Variants in CAMTA1 observed in about 807,000 individuals in gnomAD.
CAMTA1 encodes calmodulin binding transcription activator 1, also known as calmodulin-binding transcription activator 1.
CAMTA1 carries 27 observed loss-of-function variants against 170.9 expected under a neutral mutation model. The observed-to-expected ratio is 0.16, with a 90% confidence interval of 0.12 to 0.22. The LOEUF (loss-of-function observed/expected upper bound fraction) is 0.22, where lower values mean the gene tolerates loss of function less well. CAMTA1 is among the 10% of genes least tolerant of loss of function. The pLI is 1.00. For missense variants in CAMTA1, 1,619 were observed against 2,217.2 expected (o/e 0.73, Z 5.42); for synonymous variants, 833 against 891.5 (o/e 0.93, Z 1.17).
intron 3 of CAMTA1, among the ~76,000 whole-genome samples, chr1:6,962,103 G>T (rs1166851076): frequency 1.3e-5 from 2 of 152,154 alleles, no homozygotes; most frequent in African/African-American, 4.8e-5. Flanking sequence ...GCTGCTTTGG[G>T]CCTCACGCCT....
chr1:7,541,275 C>G (rs1180271302), intron 6 of CAMTA1, among the ~76,000 whole-genome samples: 1 of 152,232 alleles, frequency 6.6e-6, no homozygotes. Flanking sequence ...TTCTCTCCTG[C>G]CTGGAGAAGG....
At chr1:7,332,270 G>GA (rs111375365) in intron 5 of CAMTA1, among the ~76,000 whole-genome samples, 11,107 of 151,872 alleles carry the variant, frequency 0.073, 1,345 homozygotes, top group African/African-American at 0.25. Flanking sequence ...GGAAAGAGGA[G>GA]AAAAAAAATC....
chr1:7,259,217 C>T (rs187456621), intron 5 of CAMTA1, among the ~76,000 whole-genome samples: 32 of 152,310 alleles, frequency 2.1e-4, no homozygotes, highest in Non-Finnish European at 3.5e-4. Flanking sequence ...CAGGTGATTT[C>T]ATGAAAGAGC....
At chr1:7,159,829 A>G (rs1385292849) in intron 4 of CAMTA1, among the ~76,000 whole-genome samples, 1 of 152,218 alleles carries the variant, frequency 6.6e-6, no homozygotes, top group African/African-American at 2.4e-5. Flanking sequence ...AATTACAGGC[A>G]TGAGCTACCA....
chr1:7,365,231 C>T (rs1418492), intron 5 of CAMTA1, among the ~76,000 whole-genome samples: 95,714 of 127,844 alleles, frequency 0.75, 31,912 homozygotes, highest in Non-Finnish European at 0.8. Flanking sequence ...CTGGTGGCTG[C>T]GCTGTGGATG....
chr1:7,632,514 CAA>C (rs942827018), intron 6 of CAMTA1, among the ~76,000 whole-genome samples: 2 of 152,250 alleles, frequency 1.3e-5, no homozygotes, highest in Non-Finnish European at 2.9e-5. Flanking sequence ...AAGCTGCAAA[CAA>C]GAGTCAAACA....
At chr1:6,951,715 C>T (rs543675709) in intron 3 of CAMTA1, among the ~76,000 whole-genome samples, 4 of 152,256 alleles carry the variant, frequency 2.6e-5, no homozygotes, top group Admixed American at 6.5e-5. Flanking sequence ...CAGAGTGGGT[C>T]CAGGGTCCGG....
At chr1:7,326,353 C>G (rs182280077) in intron 5 of CAMTA1, among the ~76,000 whole-genome samples, 1 of 152,214 alleles carries the variant, frequency 6.6e-6, no homozygotes, top group Non-Finnish European at 1.5e-5. Context: ...ACGTCATCAG[C>G]AGGGAAGTGG....
chr1:6,873,180 A>G (rs1668879490), intron 3 of CAMTA1, among the ~76,000 whole-genome samples: 1 of 152,150 alleles, frequency 6.6e-6, no homozygotes, highest in Admixed American at 6.5e-5. Flanking sequence ...TCCTATGATT[A>G]TAAAGCCCCT....
chr1:7,270,539 G>A (rs28567714), intron 5 of CAMTA1, among the ~76,000 whole-genome samples: 6 of 151,816 alleles, frequency 4.0e-5, no homozygotes, highest in East Asian at 1.9e-4. Flanking sequence ...CAGGTGATCC[G>A]CCTGCCTTGG....
At chr1:7,734,011 A>C (rs1203449596) in intron 12 of CAMTA1, among the ~76,000 whole-genome samples, 1 of 152,088 alleles carries the variant, frequency 6.6e-6, no homozygotes, top group East Asian at 1.9e-4. Context: ...GCAGTGACAC[A>C]ATCTTGGCTC....
At chr1:6,870,258 C>T (rs1203225027) in intron 3 of CAMTA1, among the ~76,000 whole-genome samples, 1 of 151,922 alleles carries the variant, frequency 6.6e-6, no homozygotes, top group South Asian at 2.1e-4. Flanking sequence ...TGCATGCCTC[C>T]GAGCAACAAA....
At chr1:7,258,078 C>T (rs547066936) in intron 5 of CAMTA1, among the ~76,000 whole-genome samples, 5 of 152,260 alleles carry the variant, frequency 3.3e-5, no homozygotes, top group Admixed American at 1.3e-4. Context: ...AATACCAAAA[C>T]GTGAGGACTT....
At chr1:7,390,261 G>C (rs573783340) in intron 5 of CAMTA1, among the ~76,000 whole-genome samples, 2 of 152,318 alleles carry the variant, frequency 1.3e-5, no homozygotes, top group East Asian at 3.9e-4. Flanking sequence ...GAGCAAGAGG[G>C]TGACACAACC....
chr1:7,669,425 G>T (rs2096034779), intron 9 of CAMTA1, among the ~76,000 whole-genome samples: 1 of 152,282 alleles, frequency 6.6e-6, no homozygotes, highest in Non-Finnish European at 1.5e-5. Flanking sequence ...CAGGCTCCTT[G>T]TAGAGGCCGG....
chr1:7,097,688 T>C (rs1453077823), intron 4 of CAMTA1, among the ~76,000 whole-genome samples: 1 of 152,244 alleles, frequency 6.6e-6, no homozygotes, highest in Non-Finnish European at 1.5e-5. Flanking sequence ...AGAAATGCAA[T>C]TCTGACACCT....
intron 6 of CAMTA1, among the ~76,000 whole-genome samples, chr1:7,499,179 T>TGAGC (rs1329722220): frequency 5.1e-4 from 1 of 1,972 alleles, no homozygotes; most frequent in South Asian, 0.033. Context: ...TGTGTGTCCA[T>TGAGC]GAGTGTGCAG....
chr1:7,668,526 G>A (rs1558093263), intron 9 of CAMTA1, among the ~76,000 whole-genome samples: 1 of 151,882 alleles, frequency 6.6e-6, no homozygotes, highest in Non-Finnish European at 1.5e-5. Context: ...AGAGACCTCA[G>A]ATGGCATTTC....
chr1:7,649,068 G>A (rs1474614588), intron 7 of CAMTA1, among the ~76,000 whole-genome samples: 2 of 152,234 alleles, frequency 1.3e-5, no homozygotes, highest in Non-Finnish European at 2.9e-5. Flanking sequence ...AGTACTGGGT[G>A]TACCATTTCT....
Sources: gnomAD v4.1 joint callset for allele counts (sites outside exome capture counted in the v4.1 genomes callset) on GRCh38, gnomAD v4.1.1 for gene constraint, MANE v1.5 for transcripts, NCBI Gene and HGNC (gene_info 2026-07-23, HGNC 2026-07-21) for gene names.